The following MYO7B variants were observed in gnomAD, a reference collection of about 807,000 sequenced individuals.
The protein encoded by MYO7B is myosin VIIB.
Under a neutral mutation model 259.7 loss-of-function variants are expected in MYO7B, and 212 were observed. The observed-to-expected ratio is 0.82, with a 90% CI of 0.73 to 0.91. The LOEUF (loss-of-function observed/expected upper bound fraction) is 0.91, where lower values mean the gene tolerates loss of function less well. Among genes scored for constraint, MYO7B ranks in the 40% least tolerant of loss-of-function variants. MYO7B has a pLI of 0.00. For synonymous variants in MYO7B, 1,197 were observed against 1,166.4 expected (o/e 1.03, Z -0.54); for missense variants, 2,732 against 2,813.5 (o/e 0.97, Z 0.66).
intron 6 of MYO7B, among the ~76,000 whole-genome samples, chr2:127,573,102 C>T (rs1678715974): frequency 6.6e-6 from 1 of 152,142 alleles, no homozygotes; most frequent in South Asian, 2.1e-4. Context: ...GACAGGGTGC[C>T]GTGTTTCCTA....
At chr2:127,635,617 T>C (rs2105152512) in intron 43 of MYO7B, 105 bp from the exon 44 acceptor site, 4 of 1,235,176 alleles carry the variant, frequency 3.2e-6, no homozygotes, top group East Asian at 2.5e-5. Flanking sequence ...CCGTCCTGGA[T>C]GGAGTGGGCT....
rs1052678078 is a variant in MYO7B, at chr2:127,539,762, AT to A, written c.-24+3938del. 2.0e-5 allele frequency among the ~76,000 whole-genome samples: 3 copies of A among 151,840 alleles called. No individual in the cohort carries two copies. The highest frequency in any genetic ancestry group is 2.0e-4 in the Admixed American group (3 of 15,244). On this transcript the variant is annotated intron_variant, in intron 1 of 47. Transcript: ENST00000409816. The surrounding 1 kb of genome is among the most constrained non-coding windows in gnomAD (Gnocchi z 4.0). Reference sequence around the variant, plus strand: ...AAGTTCTTCAGTGGTGATTTGTGAGATTTTTTTGCACCTATCACCACAGCAG... The same window carrying A: ...AAGTTCTTCAGTGGTGATTTGTGAGATTTTTTGCACCTATCACCACAGCAG...
intron 20 of MYO7B, among the ~76,000 whole-genome samples, 152 bp downstream of exon 20, chr2:127,606,080 C>A (rs1212571990): frequency 1.3e-5 from 2 of 152,212 alleles, no homozygotes; most frequent in East Asian, 3.9e-4. Flanking sequence ...TTAAAATGAT[C>A]AGACCTCAGC....
At chr2:127,578,614 T>TTTAA (rs1558812206) in intron 9 of MYO7B, among the ~76,000 whole-genome samples, 1 of 152,056 alleles carries the variant, frequency 6.6e-6, no homozygotes, top group Admixed American at 6.6e-5. Flanking sequence ...GAGCAAGGGG[T>TTTAA]GGTCTGGGGA....
At chr2:127,573,872 A>G (rs1573639703) in intron 6 of MYO7B, 48 bp from the exon 7 acceptor site, 1 of 1,607,168 alleles carries the variant, frequency 6.2e-7, no homozygotes, top group Middle Eastern at 1.7e-4. Context: ...CTCAAATTAC[A>G]TTTTCTCCTC....
chr2:127,546,170 G>A lies in MYO7B; in HGVS notation c.-24+10339G>A, dbSNP rs1455256186. Among the ~76,000 whole-genome samples, 2 of 152,230 alleles carry A rather than the reference G, an allele frequency of 1.3e-5. No individual in the cohort carries two copies. The highest frequency in any genetic ancestry group is 2.1e-4 in the South Asian group (1 of 4,834). On this transcript the variant is annotated intron_variant, in intron 1 of 47. Coordinates refer to ENST00000409816, the MANE Select transcript of MYO7B (RefSeq NM_001393586.1). The surrounding 1 kb of genome is among the most constrained non-coding windows in gnomAD (Gnocchi z 4.2). ...CAAAGAACACTCAGACCCCTTTGGA[G>A]GGCAAAGCTTTGTCAGTGCCCCTTC...
chr2:127,548,455 C>T (rs187596725), intron 1 of MYO7B, among the ~76,000 whole-genome samples: 1 of 144,856 alleles, frequency 6.9e-6, no homozygotes, highest in East Asian at 2.0e-4. Context: ...CTCACTCTGT[C>T]ACCCAGGCTG....
intron 9 of MYO7B, among the ~76,000 whole-genome samples, chr2:127,578,536 G>C (rs1490939938): frequency 2.0e-5 from 3 of 152,162 alleles, no homozygotes; most frequent in African/African-American, 7.2e-5. Context: ...ACCCAAAAGG[G>C]CTTCCCCCTT....
rs1454421603 is a variant in MYO7B at position 127,585,829 on chromosome 2, G to A, written c.1690+916G>A. Among the ~76,000 whole-genome samples the A allele has an allele frequency of 6.6e-6, 1 of 152,240 alleles. No homozygotes were observed. The highest frequency in any genetic ancestry group is 1.5e-5 in the Non-Finnish European group (1 of 68,046). ...TCTGCATCCCCCGATGGCTAATGAT[G>A]TTGATCGCCTTTTCATATGCTTCTT... On this transcript the variant is annotated intron_variant, in intron 14 of 47. Coordinates refer to ENST00000409816, the MANE Select transcript of MYO7B (RefSeq NM_001393586.1). The surrounding 1 kb of genome is among the most constrained non-coding windows in gnomAD (Gnocchi z 4.3).
chr2:127,607,257 G>T lies in MYO7B; in HGVS notation c.2476G>T (p.Ala826Ser). The change falls in exon 21 of 48, where the codon GCG (alanine) becomes TCG (serine). Residue 826 changes from alanine to serine, a missense_variant. By Grantham distance (99) the Ala-to-Ser change is moderately conservative. This residue lies in a region of MYO7B where 1,906 missense variants were observed against 2,026.4 expected (regional missense o/e 0.94). Coordinates refer to ENST00000409816, the MANE Select transcript of MYO7B (RefSeq NM_001393586.1). This position sits in a 1 kb window ranked among gnomAD's most constrained non-coding sequence, Gnocchi z 4.4. ...LQAIARSQPL[A>S]RQYQAMRQRT... Reference sequence around the variant, plus strand: ...GGCTATTGCCCGGAGCCAGCCGCTGGCGAGGCAGTACCAGGCCATGCGGCA... The same window carrying T: ...GGCTATTGCCCGGAGCCAGCCGCTGTCGAGGCAGTACCAGGCCATGCGGCA... The T allele has an allele frequency of 6.4e-7, 1 of 1,550,954 alleles. No homozygotes were observed.
rs1014495456 is a variant in MYO7B at position 127,535,863 on chromosome 2, G to A, written c.-24+32G>A. The A allele has an allele frequency of 6.6e-5, 10 of 152,448 alleles. No homozygotes were observed. The highest frequency in any genetic ancestry group is 1.2e-4 in the African/African-American group (5 of 41,440). 9.4% of individuals were successfully genotyped at this position (152,448 alleles called of 1,614,324 possible). A position where few individuals can be genotyped will look rare whatever the true frequency, so the allele number is the denominator to read the frequency against. The stretch of plus-strand genomic sequence containing the variant: ...GCGTGCCGGGGGCGTGTCTGCCAGC[G>A]GGGAGTAGGGGGTCACCTCTCTGAA... On this transcript the variant is annotated intron_variant, in intron 1 of 47. Transcript: ENST00000409816. This position sits in a 1 kb window ranked among gnomAD's most constrained non-coding sequence, Gnocchi z 4.8.
rs892977157 is a variant in MYO7B, at chr2:127,611,313, T to G, written c.3193-937T>G. On this transcript the variant is annotated intron_variant, in intron 24 of 47. Transcript: ENST00000409816. This position sits in a 1 kb window ranked among gnomAD's most constrained non-coding sequence, Gnocchi z 5.4. ...GAGGGGCCCACACAGGGCAGGAATT[T>G]CAGGACGCAGGGATCACGGGGGCCA... Among the ~76,000 whole-genome samples the G allele has an allele frequency of 3.3e-5, 5 of 152,168 alleles. No individual in the cohort carries two copies. Among genetic ancestry groups the G allele is most frequent in the Admixed American group, 6.5e-5 (1 of 15,284 alleles).
At chr2:127,550,953 C>T (rs1381254769) in intron 1 of MYO7B, among the ~76,000 whole-genome samples, 1 of 151,968 alleles carries the variant, frequency 6.6e-6, no homozygotes, top group Non-Finnish European at 1.5e-5. Context: ...TATTTATTAT[C>T]TCACACAAGT....
At chr2:127,562,361 A>C (rs1042661023) in intron 2 of MYO7B, among the ~76,000 whole-genome samples, 1 of 152,054 alleles carries the variant, frequency 6.6e-6, no homozygotes, top group Non-Finnish European at 1.5e-5. Context: ...CAGTGGCACG[A>C]TCACAATTCA....
Position 127,627,224 on chromosome 2 carries a change from C to T in MYO7B, c.4374C>T (p.Asn1458=). The change falls in exon 33 of 48, where the codon AAC becomes AAT. Residue 1458 remains asparagine, a synonymous_variant. Coordinates refer to ENST00000409816, the MANE Select transcript of MYO7B (RefSeq NM_001393586.1). The surrounding 1 kb of genome is among the most constrained non-coding windows in gnomAD (Gnocchi z 5.6). ...LPKTQLILAV[N]WKGLCFLDQQ... Reference sequence around the variant, plus strand: ...AGACGCAGCTGATCTTGGCTGTTAACTGGAAGGGGCTTTGCTTCCTGGACC... The same window carrying T: ...AGACGCAGCTGATCTTGGCTGTTAATTGGAAGGGGCTTTGCTTCCTGGACC... 6.2e-7 allele frequency: 1 copy of T among 1,610,936 alleles called. No individual in the cohort carries two copies. Among genetic ancestry groups the T allele is most frequent in the South Asian group, 1.1e-5 (1 of 90,478 alleles).
chr2:127,605,729 T>C, intron 19 of MYO7B, 115 bp from the exon 20 acceptor site: 1 of 863,064 alleles, frequency 1.2e-6, no homozygotes, highest in East Asian at 2.7e-5. Context: ...ATTGTACGTA[T>C]TCATTTTTCC....
At chr2:127,623,086 A>G in intron 28 of MYO7B, 116 bp from the exon 29 acceptor site, 2 of 1,289,780 alleles carry the variant, frequency 1.6e-6, no homozygotes, top group South Asian at 1.5e-5. Flanking sequence ...CTGGGAACCC[A>G]CGGGATGGCA....
chr2:127,636,595 A>C lies in MYO7B; in HGVS notation c.6174A>C (p.Arg2058=), dbSNP rs1156524662. The C allele has an allele frequency of 3.1e-6, 5 of 1,612,816 alleles. No individual in the cohort carries two copies. Among genetic ancestry groups the C allele is most frequent in the East Asian group, 2.2e-5 (1 of 44,820 alleles). ...YPDVILIAIN[R]HGVLLIHPKT... ...ACGTCATCCTCATCGCCATCAACCG[A>C]CATGGGGTTCTGCTCATCCACCCCA... Residue 2058 remains arginine, a synonymous_variant, in exon 46 of 48, where the codon CGA becomes CGC. Coordinates refer to ENST00000409816, the MANE Select transcript of MYO7B (RefSeq NM_001393586.1). The surrounding 1 kb of genome is among the most constrained non-coding windows in gnomAD (Gnocchi z 4.5).
intron 31 of MYO7B, 37 bp downstream of exon 31, chr2:127,625,572 C>G: frequency 6.5e-7 from 1 of 1,543,394 alleles, no homozygotes; most frequent in Non-Finnish European, 8.7e-7. Context: ...CACCCGAGGG[C>G]TCTCCTTTGG....
Sources: gnomAD v4.1 joint callset for allele counts (sites outside exome capture counted in the v4.1 genomes callset) on GRCh38, gnomAD v4.1.1 for gene constraint, gnomAD v4.1.1 regional missense constraint, Gnocchi (gnomAD v3.1) non-coding constraint, MANE v1.5 for transcripts, NCBI Gene and HGNC (gene_info 2026-07-23, HGNC 2026-07-21) for gene names.